Variants in USP47 observed in about 807,000 individuals in gnomAD.
USP47 encodes the protein ubiquitin carboxyl-terminal hydrolase 47.
A neutral mutation model predicts 165.1 loss-of-function variants in USP47; 35 were observed. That is an observed-to-expected ratio of 0.21 (90% CI 0.16 to 0.28). The LOEUF is 0.28. Ranked by LOEUF, USP47 falls within the 10% of genes least tolerant of loss-of-function variation. The pLI is 1.00. For missense variants in USP47, 1,277 were observed against 1,607.4 expected (o/e 0.79, Z 3.52); for synonymous variants, 531 against 544.5 (o/e 0.98, Z 0.35).
chr11:11,903,577 A>G (rs1053699006), intron 7 of USP47, among the ~76,000 whole-genome samples: 1 of 152,174 alleles, frequency 6.6e-6, no homozygotes, highest in Non-Finnish European at 1.5e-5. Flanking sequence ...TGGGCTGTAT[A>G]ACCTGGAAGT....
intron 4 of USP47, 118 bp downstream of exon 4, chr11:11,892,224 A>G: frequency 8.9e-7 from 1 of 1,124,968 alleles, no homozygotes; most frequent in Non-Finnish European, 1.2e-6. Flanking sequence ...GAGCAGGAGT[A>G]CTAGCTAGCA....
At chr11:11,845,304 C>G (rs536371928) in intron 1 of USP47, among the ~76,000 whole-genome samples, 15 of 152,126 alleles carry the variant, frequency 9.9e-5, no homozygotes, top group Admixed American at 2.6e-4. Flanking sequence ...CTCTAACTTG[C>G]ATTTCACTTC....
At chr11:11,936,277 C>G in intron 16 of USP47, 26 bp from the exon 17 acceptor site, 5 of 1,380,580 alleles carry the variant, frequency 3.6e-6, no homozygotes, top group Non-Finnish European at 4.8e-6. Context: ...TATATTTTTT[C>G]TTTCTGGGGG....
chr11:11,868,078 C>T (rs60433467), intron 1 of USP47, among the ~76,000 whole-genome samples: 19,459 of 152,172 alleles, frequency 0.13, 1,589 homozygotes, highest in Middle Eastern at 0.39. Flanking sequence ...AACTAACTTT[C>T]CATTTGAGAT....
intron 1 of USP47, among the ~76,000 whole-genome samples, chr11:11,867,458 A>T (rs1849756559): frequency 6.6e-6 from 1 of 152,262 alleles, no homozygotes; most frequent in Non-Finnish European, 1.5e-5. Flanking sequence ...TCTCTTATAT[A>T]GAGTTCATTA....
chr11:11,882,176 C>T (rs1463527726), intron 2 of USP47, among the ~76,000 whole-genome samples: 1 of 152,154 alleles, frequency 6.6e-6, no homozygotes, highest in Non-Finnish European at 1.5e-5. Flanking sequence ...AAATCTAAGA[C>T]AAGCTATTAT....
At chr11:11,859,561 A>C (rs73411073) in intron 1 of USP47, among the ~76,000 whole-genome samples, 5,326 of 152,270 alleles carry the variant, frequency 0.035, 304 homozygotes, top group African/African-American at 0.12. Context: ...TGCCAGTCAG[A>C]AAACAAAAGA....
At chr11:11,916,419 C>A (rs1853422382) in intron 8 of USP47, among the ~76,000 whole-genome samples, 1 of 151,938 alleles carries the variant, frequency 6.6e-6, no homozygotes, top group South Asian at 2.1e-4. Context: ...CTCAAATGAG[C>A]AGAACAAAAC....
intron 1 of USP47, among the ~76,000 whole-genome samples, chr11:11,850,535 T>C (rs1848670336): frequency 1.3e-5 from 2 of 152,118 alleles, no homozygotes; most frequent in Admixed American, 1.3e-4. Context: ...TCTGTTTGTT[T>C]GCTTTGGTCT....
chr11:11,877,030 G>A (rs1035574282), intron 1 of USP47, among the ~76,000 whole-genome samples: 1 of 152,070 alleles, frequency 6.6e-6, no homozygotes, highest in Admixed American at 6.6e-5. Flanking sequence ...AATTAAGAAA[G>A]ATAGCTGCCC....
intron 1 of USP47, among the ~76,000 whole-genome samples, chr11:11,869,674 A>G (rs934216283): frequency 1.3e-5 from 2 of 152,186 alleles, no homozygotes; most frequent in African/African-American, 4.8e-5. Flanking sequence ...AAACTTTGCT[A>G]TGGTTTGAAT....
chr11:11,900,133 G>A (rs1852109321), intron 5 of USP47, among the ~76,000 whole-genome samples: 1 of 151,748 alleles, frequency 6.6e-6, no homozygotes, highest in Non-Finnish European at 1.5e-5. Flanking sequence ...TAAAAGGATA[G>A]GGTTTTGTTT....
chr11:11,904,990 T>G (rs1161414201), intron 7 of USP47, among the ~76,000 whole-genome samples: 1 of 152,050 alleles, frequency 6.6e-6, no homozygotes, highest in Non-Finnish European at 1.5e-5. Context: ...TGTTTAGCTG[T>G]ATAATTATTA....
chr11:11,913,209 T>G (rs1465524266), intron 8 of USP47, among the ~76,000 whole-genome samples: 1 of 147,348 alleles, frequency 6.8e-6, no homozygotes, highest in Non-Finnish European at 1.5e-5. Flanking sequence ...GAAATAAAAT[T>G]GTCTGTATTT....
chr11:11,904,625 G>A (rs556139393), intron 7 of USP47, among the ~76,000 whole-genome samples: 5 of 151,936 alleles, frequency 3.3e-5, no homozygotes, highest in Non-Finnish European at 7.4e-5. Context: ...GATCAGCTGG[G>A]GCATTCCTAC....
chr11:11,933,925 T>C lies in USP47; in HGVS notation c.1859T>C (p.Met620Thr), dbSNP rs1326775668. Residue 620 changes from methionine (M) to threonine (T), a missense_variant, in exon 16 of 28, where the codon ATG (methionine) becomes ACG (threonine). By Grantham distance (81) the Met-to-Thr change is moderately conservative. Transcript: ENST00000527733. ...KDKTLKEAVE[M>T]AYKMMDLEEV... ...AAGACATTAAAGGAAGCAGTAGAAATGGCTTATAAGGTATGTTTAATTGCA... is the reference window on the plus strand; with the variant it reads ...AAGACATTAAAGGAAGCAGTAGAAACGGCTTATAAGGTATGTTTAATTGCA... 1 of 1,604,494 alleles carries C rather than the reference T, an allele frequency of 6.2e-7. No homozygotes were observed. Among genetic ancestry groups the C allele is most frequent in the Non-Finnish European group, 8.5e-7 (1 of 1,173,078 alleles).
chr11:11,914,153 G>T (rs1853231978), intron 8 of USP47, among the ~76,000 whole-genome samples: 1 of 152,056 alleles, frequency 6.6e-6, no homozygotes, highest in Non-Finnish European at 1.5e-5. Flanking sequence ...TAGCCAAAAA[G>T]ACTTATTATA....
At chr11:11,920,047 T>A in intron 8 of USP47, 109 bp from the exon 9 acceptor site, 1 of 769,620 alleles carries the variant, frequency 1.3e-6, no homozygotes, top group Non-Finnish European at 1.8e-6. Context: ...GTTCCTAAAT[T>A]TCTAACCATT....
chr11:11,940,453 A>G lies in USP47; in HGVS notation c.2218A>G (p.Met740Val). 1.2e-6 allele frequency: 2 copies of G among 1,610,498 alleles called. No individual in the cohort carries two copies. The highest frequency in any genetic ancestry group is 1.7e-6 in the Non-Finnish European group (2 of 1,177,824). Residue 740 changes from methionine to valine, a missense_variant, in exon 19 of 28, where the codon ATG (methionine) becomes GTG (valine). By Grantham distance (21) the Met-to-Val change is conservative. Around this residue, in one of 4 missense-constraint regions of USP47, gnomAD observed 909 missense variants for 1,068.1 expected, o/e 0.85. Coordinates refer to ENST00000527733, the MANE Select transcript of USP47 (RefSeq NM_001282659.2). ...GGCCATCCATTTACCTGCTGAAACAATGAGAATAGTGCTGGAACGCTGCTA... is the reference window on the plus strand; with the variant it reads ...GGCCATCCATTTACCTGCTGAAACAGTGAGAATAGTGCTGGAACGCTGCTA... ...SKAIHLPAET[M>V]RIVLERCYND...
Sources: allele counts gnomAD v4.1 joint callset (sites outside exome capture counted in the v4.1 genomes callset), GRCh38; gene constraint gnomAD v4.1.1; regional missense constraint gnomAD v4.1.1; transcripts MANE v1.5; gene names NCBI Gene and HGNC (gene_info 2026-07-23, HGNC 2026-07-21).